The following SLC43A1 variants were observed in gnomAD, a reference collection of about 807,000 sequenced individuals.
The protein encoded by SLC43A1 is solute carrier family 43 member 1.
A neutral mutation model predicts 59.5 loss-of-function variants in SLC43A1; 31 were observed. The ratio of observed to expected loss-of-function variants is 0.52; its 90% confidence interval spans 0.39 to 0.70. SLC43A1 has a LOEUF of 0.70. Ranked by LOEUF, SLC43A1 falls within the 30% of genes least tolerant of loss-of-function variation. SLC43A1 has a pLI of 0.00. For missense variants in SLC43A1, 598 were observed against 717.8 expected (o/e 0.83, Z 1.91); for synonymous variants, 259 against 290.9 (o/e 0.89, Z 1.12).
At chr11:57,501,414 C>A in intron 2 of SLC43A1, 85 bp from the exon 3 acceptor site, 1 of 1,426,350 alleles carries the variant, frequency 7.0e-7, no homozygotes, top group Non-Finnish European at 9.7e-7. Flanking sequence ...AGGCGGCCTG[C>A]TTTCAAATCC....
chr11:57,513,923 T>TC (rs771662604), intron 2 of SLC43A1, 35 bp downstream of exon 2: 31 of 1,162,194 alleles, frequency 2.7e-5, no homozygotes, highest in Admixed American at 2.3e-4. Context: ...TTGCCATCCC[T>TC]CCCCCCAGCC....
intron 2 of SLC43A1, among the ~76,000 whole-genome samples, chr11:57,507,020 AG>A (rs1466860223): frequency 1.3e-5 from 2 of 152,192 alleles, no homozygotes; most frequent in African/African-American, 4.8e-5. Flanking sequence ...AGTTGATACT[AG>A]TGAATGCTTC....
chr11:57,506,402 G>A (rs946430976), intron 2 of SLC43A1, among the ~76,000 whole-genome samples: 2 of 152,170 alleles, frequency 1.3e-5, no homozygotes, highest in African/African-American at 4.8e-5. Context: ...CAGGTGTGGT[G>A]GTGTGCACCT....
At chr11:57,497,988 T>C in intron 5 of SLC43A1, 143 bp from the exon 6 acceptor site, 1 of 608,424 alleles carries the variant, frequency 1.6e-6, no homozygotes, top group Non-Finnish European at 2.9e-6. Context: ...TGTGGGAAAC[T>C]GTACTCTGCC....
intron 13 of SLC43A1, 31 bp from the exon 14 acceptor site, chr11:57,487,249 T>G: frequency 6.2e-7 from 1 of 1,604,132 alleles, no homozygotes; most frequent in African/African-American, 1.3e-5. Flanking sequence ...ATCAGGGGTG[T>G]GTGGCCCTCT....
chr11:57,501,437 CT>C, intron 2 of SLC43A1, 108 bp from the exon 3 acceptor site: 2 of 1,160,058 alleles, frequency 1.7e-6, no homozygotes. Context: ...TGCCAAGTGC[CT>C]TTGGGGGTAC....
At chr11:57,502,206 C>T (rs1345471516) in intron 2 of SLC43A1, among the ~76,000 whole-genome samples, 1 of 152,238 alleles carries the variant, frequency 6.6e-6, no homozygotes, top group Admixed American at 6.5e-5. Context: ...TGCCCCCAGG[C>T]CTCCAAGTTG....
intron 2 of SLC43A1, among the ~76,000 whole-genome samples, chr11:57,510,212 T>A (rs2135224354): frequency 6.6e-6 from 1 of 151,554 alleles, no homozygotes; most frequent in South Asian, 2.1e-4. Flanking sequence ...ATCCCAGCAC[T>A]TTGGGAGGCC....
At chr11:57,510,750 T>C (rs986480019) in intron 2 of SLC43A1, among the ~76,000 whole-genome samples, 1 of 151,986 alleles carries the variant, frequency 6.6e-6, no homozygotes, top group Non-Finnish European at 1.5e-5. Context: ...TCCAGCACTT[T>C]GGGAGGCCGA....
intron 2 of SLC43A1, among the ~76,000 whole-genome samples, chr11:57,511,231 C>A (rs1243790581): frequency 1.3e-5 from 2 of 152,008 alleles, no homozygotes; most frequent in African/African-American, 4.8e-5. Context: ...CGAGACCAGT[C>A]TCAGCAACAT....
intron 8 of SLC43A1, among the ~76,000 whole-genome samples, chr11:57,492,573 T>TATATAA (rs1565128039): frequency 8.0e-5 from 1 of 12,522 alleles, no homozygotes; most frequent in East Asian, 7.5e-3. Context: ...TATATATATA[T>TATATAA]AAAAAAATAA....
Position 57,514,170 on chromosome 11 carries a change from AG to A in SLC43A1, c.-13-47del. 1 of 1,516,510 alleles carries A rather than the reference AG, an allele frequency of 6.6e-7. No homozygotes were observed. The highest frequency in any genetic ancestry group is 1.3e-5 in the South Asian group (1 of 79,642). 93.9% of individuals were successfully genotyped at this position (1,516,510 alleles called of 1,614,324 possible). A position where few individuals can be genotyped will look rare whatever the true frequency, so the allele number is the denominator to read the frequency against. On this transcript the variant is annotated intron_variant, in intron 1 of 14. Coordinates refer to ENST00000278426, the MANE Select transcript of SLC43A1 (RefSeq NM_003627.6). The surrounding 1 kb of genome is among the most constrained non-coding windows in gnomAD (Gnocchi z 5.5). ...GGGTGAAGGGCCCCCCAGTGGCCCC[AG>A]GGAAGGGTCCTGCATCATGGTGGCA...
intron 8 of SLC43A1, among the ~76,000 whole-genome samples, chr11:57,492,487 AATATAAT>A (rs1565127723): frequency 7.6e-6 from 1 of 130,892 alleles, no homozygotes; most frequent in African/African-American, 3.0e-5. Flanking sequence ...TATAAAAAAT[AATATAAT>A]ATATAATATA....
intron 5 of SLC43A1, among the ~76,000 whole-genome samples, chr11:57,498,108 G>A (rs536423430): frequency 2.6e-5 from 4 of 152,100 alleles, no homozygotes; most frequent in South Asian, 2.1e-4. Flanking sequence ...AGTTTGTTAC[G>A]TAACACCTCT....
intron 2 of SLC43A1, among the ~76,000 whole-genome samples, chr11:57,506,073 T>C (rs1944388004): frequency 6.6e-6 from 1 of 152,156 alleles, no homozygotes; most frequent in Non-Finnish European, 1.5e-5. Flanking sequence ...GGGTTGGGTG[T>C]GGTGGTTTAT....
chr11:57,505,570 A>ATATATGTATTAGAAACATACATG (rs1944375009), intron 2 of SLC43A1, among the ~76,000 whole-genome samples: 1 of 152,208 alleles, frequency 6.6e-6, no homozygotes, highest in Non-Finnish European at 1.5e-5. Flanking sequence ...ATACGTACAT[A>ATATATGTATTAGAAACATACATG]TATATGTATT....
chr11:57,513,810 T>TC, intron 2 of SLC43A1, 148 bp downstream of exon 2: 1 of 668,088 alleles, frequency 1.5e-6, no homozygotes. Flanking sequence ...CCACCCAATC[T>TC]CCCCCTGAAG....
chr11:57,493,748 C>T (rs1189994992), intron 8 of SLC43A1, among the ~76,000 whole-genome samples: 1 of 152,178 alleles, frequency 6.6e-6, no homozygotes, highest in Non-Finnish European at 1.5e-5. Context: ...GACCTTGTCC[C>T]CATTTTGGAA....
At position 57,514,902 on chromosome 11, in the gene SLC43A1, T is replaced by TG; in HGVS notation, c.-14+541dup. On this transcript the variant is annotated intron_variant, in intron 1 of 14. Transcript: ENST00000278426. This position sits in a 1 kb window ranked among gnomAD's most constrained non-coding sequence, Gnocchi z 5.5. ...GCTGCTGACTTTATAAGGGCAGCGG[T>TG]GGCGGATGGGCTGGCGGGCGGGTGT... 2 of 981,752 alleles carry TG rather than the reference T, an allele frequency of 2.0e-6. No individual in the cohort carries two copies. Among genetic ancestry groups the TG allele is most frequent in the Non-Finnish European group, 2.4e-6 (2 of 826,988 alleles). 60.8% of individuals were successfully genotyped at this position (981,752 alleles called of 1,614,324 possible). A position where few individuals can be genotyped will look rare whatever the true frequency, so the allele number is the denominator to read the frequency against.
Sources: allele counts gnomAD v4.1 joint callset (sites outside exome capture counted in the v4.1 genomes callset), GRCh38; gene constraint gnomAD v4.1.1; non-coding constraint Gnocchi (gnomAD v3.1); transcripts MANE v1.5; gene names NCBI Gene and HGNC (gene_info 2026-07-23, HGNC 2026-07-21).